NPHP3: variants seen among roughly 807,000 people sequenced by gnomAD.
The protein encoded by NPHP3 is nephrocystin 3, also known as nephrocystin-3.
Under a neutral mutation model 171.9 loss-of-function variants are expected in NPHP3, and 123 were observed. The ratio of observed to expected loss-of-function variants is 0.72; its 90% CI spans 0.62 to 0.83. The LOEUF (loss-of-function observed/expected upper bound fraction) is 0.83. Among genes scored for constraint, NPHP3 ranks in the 40% least tolerant of loss-of-function variants. NPHP3 has a pLI of 0.00. For synonymous variants in NPHP3, 558 were observed against 579.2 expected (o/e 0.96, Z 0.52); for missense variants, 1,506 against 1,591.9 (o/e 0.95, Z 0.92).
intron 25 of NPHP3, 26 bp from the exon 26 acceptor site, chr3:132,682,844 A>G (rs1348349767): frequency 2.2e-6 from 3 of 1,384,558 alleles, no homozygotes; most frequent in South Asian, 2.3e-5. Flanking sequence ...GATAATGCTC[A>G]TGCACACTGG....
intron 15 of NPHP3, among the ~76,000 whole-genome samples, chr3:132,696,306 T>C (rs546664877): frequency 7.3e-5 from 9 of 123,282 alleles, no homozygotes; most frequent in African/African-American, 2.1e-4. Context: ...ATATCTAAAA[T>C]AGAACTATTT....
chr3:132,691,134 G>T, intron 18 of NPHP3, 58 bp downstream of exon 18: 1 of 1,212,326 alleles, frequency 8.2e-7, no homozygotes, highest in Non-Finnish European at 1.2e-6. Context: ...CAGAAATAAG[G>T]ACACAAAGGT....
chr3:132,700,396 C>A lies in NPHP3; in HGVS notation c.1681G>T (p.Val561Leu). ...GAGCTGGTTGACATGGGCCTTCCCA[C>A]AAAATGGGAAAGAATCAGTGTGTTG... is the stretch of plus-strand genomic sequence containing the variant. ...SPNTLILSHFVGRPMSTSSES... is the reference protein window; with the variant it reads ...SPNTLILSHFLGRPMSTSSES... The change falls in exon 11 of 27, where the codon GTG becomes TTG. Residue 561 changes from valine (V) to leucine (L), a missense_variant. Physicochemically the swap from Val to Leu is conservative, Grantham distance 32 (BLOSUM62 1). Around this residue, in one of 3 missense-constraint regions of NPHP3, gnomAD observed 930 missense variants for 924.9 expected, o/e 1.01. Coordinates refer to ENST00000337331, the MANE Select transcript of NPHP3 (RefSeq NM_153240.5). The A allele has an allele frequency of 6.2e-7, 1 of 1,613,418 alleles. No homozygotes were observed. Among genetic ancestry groups the A allele is most frequent in the Admixed American group, 1.7e-5 (1 of 59,980 alleles).
chr3:132,705,631 G>T (rs996307662), intron 8 of NPHP3, 109 bp downstream of exon 8: 5 of 646,860 alleles, frequency 7.7e-6, no homozygotes, highest in African/African-American at 1.8e-5. Flanking sequence ...GCCTTCCTCA[G>T]GTACTGTGTT....
At chr3:132,720,843 A>G (rs1576689537) in intron 1 of NPHP3, among the ~76,000 whole-genome samples, 1 of 151,906 alleles carries the variant, frequency 6.6e-6, no homozygotes, top group African/African-American at 2.4e-5. Flanking sequence ...ACGACACAAC[A>G]ACGACCAGAG....
intron 13 of NPHP3, among the ~76,000 whole-genome samples, chr3:132,697,568 C>A (rs1939489172): frequency 6.6e-6 from 1 of 152,158 alleles, no homozygotes; most frequent in African/African-American, 2.4e-5. Flanking sequence ...TGAATCACAA[C>A]AAACAGTGTT....
At chr3:132,706,133 G>A (rs919755931) in intron 7 of NPHP3, among the ~76,000 whole-genome samples, 1 of 152,024 alleles carries the variant, frequency 6.6e-6, no homozygotes, top group African/African-American at 2.4e-5. Context: ...GTCGAGGTGG[G>A]CGGTTCACGA....
chr3:132,722,082 C>A lies in NPHP3; in HGVS notation c.274G>T (p.Glu92Ter). ...ATCTCGTACTCCTTCCTGAGCCGCT[C>A]GTACTCGGCCGCCGCGTACTCCAGC... ...PELEYAAAEY[E>*]RLRKEYEIFR... The change falls in exon 1 of 27, where the codon GAG becomes TAG. Residue 92 changes from glutamate (E) to a stop codon, truncating the protein, a stop_gained. Transcript: ENST00000337331. LOFTEE classifies it high-confidence loss of function. 2.5e-6 allele frequency: 4 copies of A among 1,610,906 alleles called. No homozygotes were observed. Among genetic ancestry groups the A allele is most frequent in the Non-Finnish European group, 3.4e-6 (4 of 1,179,846 alleles).
intron 9 of NPHP3, among the ~76,000 whole-genome samples, 191 bp from the exon 10 acceptor site, chr3:132,701,724 A>G (rs1939611639): frequency 6.6e-6 from 1 of 152,148 alleles, no homozygotes; most frequent in African/African-American, 2.4e-5. Flanking sequence ...CTAGTAAACT[A>G]AGAATGGGCC....
chr3:132,705,709 A>G (rs764660361), intron 8 of NPHP3, 31 bp downstream of exon 8: 37 of 1,082,684 alleles, frequency 3.4e-5, no homozygotes, highest in Non-Finnish European at 4.8e-5. Context: ...AAAATATTTT[A>G]GATGAAAACT....
intron 17 of NPHP3, 39 bp downstream of exon 17, chr3:132,692,615 T>TTAAA (rs762407949): frequency 3.1e-6 from 5 of 1,588,118 alleles, no homozygotes; most frequent in African/African-American, 2.7e-5. Context: ...ACCCTGTTTC[T>TTAAA]TAAATAAATA....
chr3:132,700,317 A>C lies in NPHP3; in HGVS notation c.1743+17T>G, dbSNP rs2107981287. The C allele has an allele frequency of 6.6e-7, 1 of 1,526,140 alleles. No individual in the cohort carries two copies. The highest frequency in any genetic ancestry group is 9.1e-7 in the Non-Finnish European group (1 of 1,100,096). The allele number at this position is 1,526,140 out of a possible 1,614,324, so 94.5% of individuals were successfully genotyped here. ...TCTAAATAAAATTCTGTAATTCCAA[A>C]AGATGGGATACTATACCTTTAGAGT... On this transcript the variant is annotated intron_variant, in intron 11 of 26. Coordinates refer to ENST00000337331, the MANE Select transcript of NPHP3 (RefSeq NM_153240.5).
intron 3 of NPHP3, 136 bp downstream of exon 3, chr3:132,718,858 G>A (rs1940126207): frequency 1.8e-5 from 15 of 838,782 alleles, no homozygotes; most frequent in Non-Finnish European, 2.3e-5. Flanking sequence ...GAGAACACAC[G>A]ACACTATTTG....
Position 132,722,199 on chromosome 3 carries a change from C to T in NPHP3, c.157G>A (p.Ala53Thr). ...NSFRRGAGAA[A>T]GAGPGSLPRG... is the part of the protein sequence containing the mutation. Reference sequence around the variant, plus strand: ...GGCAGCGACCCGGGCCCGGCCCCTGCTGCCGCCCCCGCGCCTCGGCGGAAC... The same window carrying T: ...GGCAGCGACCCGGGCCCGGCCCCTGTTGCCGCCCCCGCGCCTCGGCGGAAC... Residue 53 changes from alanine to threonine, a missense_variant, in exon 1 of 27, where the codon GCA (alanine) becomes ACA (threonine). Coordinates refer to ENST00000337331, the MANE Select transcript of NPHP3 (RefSeq NM_153240.5). 6.6e-7 allele frequency: 1 copy of T among 1,508,950 alleles called. No homozygotes were observed. The highest frequency in any genetic ancestry group is 2.7e-5 in the East Asian group (1 of 36,896). 93.5% of individuals were successfully genotyped at this position (1,508,950 alleles called of 1,614,324 possible).
chr3:132,709,716 C>T (rs1007466612), intron 6 of NPHP3, among the ~76,000 whole-genome samples: 1 of 151,882 alleles, frequency 6.6e-6, no homozygotes, highest in Non-Finnish European at 1.5e-5. Flanking sequence ...TGTAGAAGGG[C>T]GATATTGTAT....
intron 21 of NPHP3, among the ~76,000 whole-genome samples, chr3:132,687,570 C>T (rs1939193242): frequency 6.6e-6 from 1 of 152,144 alleles, no homozygotes; most frequent in Non-Finnish European, 1.5e-5. Context: ...GAAGGGCAAC[C>T]TAACTAAATG....
At chr3:132,714,685 T>C (rs1362599544) in intron 5 of NPHP3, among the ~76,000 whole-genome samples, 1 of 152,066 alleles carries the variant, frequency 6.6e-6, no homozygotes, top group African/African-American at 2.4e-5. Context: ...GCTATGACTG[T>C]GCCACTGCCC....
chr3:132,695,033 T>C, intron 15 of NPHP3, 68 bp from the exon 16 acceptor site: 4 of 1,496,298 alleles, frequency 2.7e-6, no homozygotes, highest in Non-Finnish European at 3.7e-6. Context: ...TTGAGATCGA[T>C]TAAAAACAAC....
chr3:132,721,582 TG>T (rs1016826950), intron 1 of NPHP3: 2 of 352,092 alleles, frequency 5.7e-6, no homozygotes, highest in Admixed American at 7.9e-5. Flanking sequence ...GATTGGCATT[TG>T]CCTCCTCAGG....
Sources: gnomAD v4.1 joint callset for allele counts (sites outside exome capture counted in the v4.1 genomes callset) on GRCh38, gnomAD v4.1.1 for gene constraint, gnomAD v4.1.1 regional missense constraint, MANE v1.5 for transcripts, NCBI Gene and HGNC (gene_info 2026-07-23, HGNC 2026-07-21) for gene names.